The following PARN variants were observed in gnomAD, a reference collection of about 807,000 sequenced individuals.
The protein encoded by PARN is poly(A)-specific ribonuclease, also known as poly(A)-specific ribonuclease PARN.
PARN carries 71 observed loss-of-function variants against 102.8 expected under a neutral mutation model. The ratio of observed to expected loss-of-function variants is 0.69; its 90% CI spans 0.57 to 0.84. The LOEUF is 0.84. PARN is among the 40% of genes least tolerant of loss of function. The probability of loss-of-function intolerance (pLI) is 0.00; values close to 1 mark genes in which losing one functional copy is unlikely to be tolerated. For missense variants in PARN, 782 were observed against 760.9 expected (o/e 1.03, Z -0.33); for synonymous variants, 261 against 252.9 (o/e 1.03, Z -0.30).
At chr16:14,608,139 T>G (rs936085055) in intron 9 of PARN, 142 bp downstream of exon 9, 1 of 670,778 alleles carries the variant, frequency 1.5e-6, no homozygotes, top group East Asian at 2.8e-5. Flanking sequence ...AGTATTCAAC[T>G]TAAGAAAGTA....
intron 23 of PARN, among the ~76,000 whole-genome samples, chr16:14,440,854 G>C (rs1302172497): frequency 2.6e-5 from 4 of 152,184 alleles, no homozygotes; most frequent in Non-Finnish European, 1.5e-5. Context: ...CTGTGTGGGG[G>C]TTGGGGGAAG....
Position 14,447,008 on chromosome 16 carries a change from C to G in PARN, c.1744G>C (p.Val582Leu). The G allele has an allele frequency of 6.2e-7, 1 of 1,613,810 alleles. No homozygotes were observed. The highest frequency in any genetic ancestry group is 8.5e-7 in the Non-Finnish European group (1 of 1,179,698). ...TCAGTGTCGGAAATCTCCCCTGACACTCCGTCCTCCAGGCCAGCTTCCTCT... is the reference window on the plus strand; with the variant it reads ...TCAGTGTCGGAAATCTCCCCTGACAGTCCGTCCTCCAGGCCAGCTTCCTCT... ...SQEEAGLEDG[V>L]SGEISDTELE... Residue 582 changes from valine (V) to leucine (L), a missense_variant, in exon 23 of 24, where the codon GTG (valine) becomes CTG (leucine). Val to Leu is a conservative substitution (Grantham distance 32, BLOSUM62 1). Transcript: ENST00000437198.
intron 18 of PARN, among the ~76,000 whole-genome samples, chr16:14,563,055 T>C (rs1968175313): frequency 2.0e-5 from 3 of 152,192 alleles, no homozygotes; most frequent in Non-Finnish European, 4.4e-5. Context: ...CAAAAATGCA[T>C]GCAAGCAGTC....
At chr16:14,497,770 C>G (rs1347439584) in intron 21 of PARN, among the ~76,000 whole-genome samples, 3 of 152,064 alleles carry the variant, frequency 2.0e-5, no homozygotes, top group South Asian at 2.1e-4. Flanking sequence ...AAGGGCTGCA[C>G]TATTTACACT....
At chr16:14,621,964 G>A (rs1000760124) in intron 5 of PARN, among the ~76,000 whole-genome samples, 2 of 152,148 alleles carry the variant, frequency 1.3e-5, no homozygotes, top group Non-Finnish European at 2.9e-5. Context: ...AGGCCAAGGC[G>A]GGTGGATCAC....
chr16:14,460,434 A>T (rs1350319823), intron 22 of PARN, among the ~76,000 whole-genome samples: 1 of 152,238 alleles, frequency 6.6e-6, no homozygotes. Flanking sequence ...GTACAGGATC[A>T]TAAAAACATC....
At chr16:14,570,255 C>T (rs1488350124) in intron 18 of PARN, among the ~76,000 whole-genome samples, 1 of 125,256 alleles carries the variant, frequency 8.0e-6, no homozygotes, top group Non-Finnish European at 1.6e-5. Flanking sequence ...AGGAGAATTG[C>T]TTGAATCTGG....
chr16:14,520,699 C>CA (rs35295923), intron 21 of PARN, among the ~76,000 whole-genome samples: 24,797 of 139,088 alleles, frequency 0.18, 2,368 homozygotes, highest in Middle Eastern at 0.28. Context: ...AACCCTGTCT[C>CA]AAAAAAAAAA....
chr16:14,524,304 T>C (rs1044902320), intron 21 of PARN, among the ~76,000 whole-genome samples: 1 of 152,180 alleles, frequency 6.6e-6, no homozygotes, highest in African/African-American at 2.4e-5. Flanking sequence ...GGCAAACCAG[T>C]ATGCCATCAT....
intron 21 of PARN, among the ~76,000 whole-genome samples, chr16:14,533,395 GGAAAGAGA>G (rs1343534925): frequency 6.2e-5 from 9 of 144,644 alleles, no homozygotes; most frequent in Non-Finnish European, 9.0e-5. Context: ...GGGAGACCGT[GGAAAGAGA>G]GGGAGACCGT....
At chr16:14,612,545 T>C (rs897212123) in intron 6 of PARN, among the ~76,000 whole-genome samples, 3 of 152,150 alleles carry the variant, frequency 2.0e-5, no homozygotes, top group African/African-American at 7.2e-5. Context: ...AAAATAGGTA[T>C]CGGGGTCCAA....
chr16:14,580,294 G>GTT (rs200225037), intron 18 of PARN, among the ~76,000 whole-genome samples: 1 of 144,010 alleles, frequency 6.9e-6, no homozygotes, highest in East Asian at 2.0e-4. Flanking sequence ...TGTTTTTTTT[G>GTT]TTTTTTTTTT....
In PARN at chr16:14,436,693, C is replaced by T. The variant is rs767936710; in HGVS notation, c.*24G>A. ...CTCTTGCTCACAGCGACAGCACCAG[C>T]GGTTTGCTGCCCTCAGGTCTTGGTT... is the stretch of plus-strand genomic sequence containing the variant. On this transcript the variant is annotated 3_prime_UTR_variant, in exon 24 of 24. Transcript: ENST00000437198. 23 of 1,569,478 alleles carry T rather than the reference C, an allele frequency of 1.5e-5. No homozygotes were observed. The highest frequency in any genetic ancestry group is 2.3e-5 in the East Asian group (1 of 43,838).
intron 22 of PARN, among the ~76,000 whole-genome samples, chr16:14,454,094 T>C (rs2151565005): frequency 6.6e-6 from 1 of 152,316 alleles, no homozygotes; most frequent in South Asian, 2.1e-4. Flanking sequence ...ACTGGGTTGT[T>C]TTCTGAATTG....
At chr16:14,458,452 T>C (rs574926616) in intron 22 of PARN, among the ~76,000 whole-genome samples, 2 of 152,266 alleles carry the variant, frequency 1.3e-5, no homozygotes, top group South Asian at 2.1e-4. Context: ...ACATGAGCGA[T>C]TGAACACACT....
chr16:14,597,391 C>G (rs2151774611), intron 12 of PARN, among the ~76,000 whole-genome samples: 1 of 152,240 alleles, frequency 6.6e-6, no homozygotes, highest in East Asian at 1.9e-4. Context: ...CCACCTTAAC[C>G]AAGCGATCAA....
At chr16:14,468,058 C>T (rs1962470332) in intron 22 of PARN, among the ~76,000 whole-genome samples, 1 of 152,148 alleles carries the variant, frequency 6.6e-6, no homozygotes, top group South Asian at 2.1e-4. Flanking sequence ...GCAAAGAATT[C>T]CCAAGGACTC....
At chr16:14,506,389 T>A (rs530485705) in intron 21 of PARN, among the ~76,000 whole-genome samples, 1 of 152,342 alleles carries the variant, frequency 6.6e-6, no homozygotes, top group African/African-American at 2.4e-5. Context: ...TTGGGGAAAT[T>A]TGATTACAGC....
In PARN at chr16:14,604,177, C is replaced by A; in HGVS notation, c.752G>T (p.Arg251Ile). The change falls in exon 11 of 24, where the codon AGA (arginine) becomes ATA (isoleucine). Residue 251 changes from arginine (R) to isoleucine (I), a missense_variant. Physicochemically the swap from Arg to Ile is moderately conservative, Grantham distance 97. Coordinates refer to ENST00000437198, the MANE Select transcript of PARN (RefSeq NM_002582.4). ...TTTGGCATGTTTCTGCTGCTCTCTT[C>A]TTTTGCGTTCTTCTTCATCTACTTT... ...ISKVDEEERK[R>I]REQQKHAKEQ... The A allele has an allele frequency of 1.2e-6, 2 of 1,602,164 alleles. No individual in the cohort carries two copies. The highest frequency in any genetic ancestry group is 1.7e-6 in the Non-Finnish European group (2 of 1,172,848).
Sources: allele counts gnomAD v4.1 joint callset (sites outside exome capture counted in the v4.1 genomes callset), GRCh38; gene constraint gnomAD v4.1.1; transcripts MANE v1.5; gene names NCBI Gene and HGNC (gene_info 2026-07-23, HGNC 2026-07-21).